GALNT3: variants seen among roughly 807,000 people sequenced by gnomAD.
GALNT3 encodes the protein GalNAc transferase 3.
A neutral mutation model predicts 69.8 loss-of-function variants in GALNT3; 51 were observed. The observed-to-expected ratio is 0.73, with a 90% CI of 0.58 to 0.92. The LOEUF is 0.92. GALNT3 is among the 40% of genes least tolerant of loss of function. The pLI is 0.00. For missense variants in GALNT3, 711 were observed against 760.0 expected, an observed-to-expected ratio of 0.94 and a Z score of 0.76; for synonymous variants, 265 against 248.5, an observed-to-expected ratio of 1.07 and a Z score of -0.63.
intron 1 of GALNT3, among the ~76,000 whole-genome samples, chr2:165,792,371 T>A (rs537299003): frequency 6.6e-6 from 1 of 152,312 alleles, no homozygotes; most frequent in Non-Finnish European, 1.5e-5. Context: ...TATTCAAAAT[T>A]CAGGGAACAA....
intron 1 of GALNT3, among the ~76,000 whole-genome samples, chr2:165,772,584 C>CAAAAAAAA: frequency 1.5e-5 from 1 of 66,956 alleles, no homozygotes; most frequent in Non-Finnish European, 2.6e-5. Context: ...GACTCTGTCT[C>CAAAAAAAA]AAAAAAAAAA....
At position 165,747,818 on chromosome 2, in the gene GALNT3, G is replaced by C. The variant is rs1254067901; in HGVS notation, c.*963C>G. 5.9e-6 allele frequency: 1 copy of C among 168,538 alleles called. No individual in the cohort carries two copies. Among genetic ancestry groups the C allele is most frequent in the African/African-American group, 2.4e-5 (1 of 41,942 alleles). The allele number at this position is 168,538 out of a possible 1,614,324, so 10.4% of individuals were successfully genotyped here. On this transcript the variant is annotated 3_prime_UTR_variant, in exon 11 of 11. Transcript: ENST00000392701. The stretch of plus-strand genomic sequence containing the variant: ...AACCAAATGATTACAATAGTGTTGA[G>C]GATTTTTTATTGTGTTTTCCACATA...
chr2:165,772,927 A>C (rs966869996), intron 1 of GALNT3, among the ~76,000 whole-genome samples: 1 of 152,174 alleles, frequency 6.6e-6, no homozygotes, highest in African/African-American at 2.4e-5. Context: ...AATGGAGAGG[A>C]CTGTTTTTAA....
chr2:165,778,459 T>C (rs991571802), intron 1 of GALNT3, among the ~76,000 whole-genome samples: 2 of 152,198 alleles, frequency 1.3e-5, no homozygotes, highest in African/African-American at 4.8e-5. Context: ...CAATCTGGTA[T>C]TAAAAGAGGA....
chr2:165,780,327 G>C (rs1309679802), intron 1 of GALNT3, among the ~76,000 whole-genome samples: 1 of 152,164 alleles, frequency 6.6e-6, no homozygotes, highest in African/African-American at 2.4e-5. Context: ...ATTTTGAAAG[G>C]TTCATTCACA....
In GALNT3 at chr2:165,748,699, AT is replaced by A; in HGVS notation, c.*81del. On this transcript the variant is annotated 3_prime_UTR_variant, in exon 11 of 11. Coordinates refer to ENST00000392701, the MANE Select transcript of GALNT3 (RefSeq NM_004482.4). Reference sequence around the variant, plus strand: ...AGTTACATTTAGCTGCTTTTGCATAATTTTCAAAAACTACAGTGTATGCCTA... The same window carrying A: ...AGTTACATTTAGCTGCTTTTGCATAATTTCAAAAACTACAGTGTATGCCTA... 6 of 1,339,438 alleles carry A rather than the reference AT, an allele frequency of 4.5e-6. No individual in the cohort carries two copies. Among genetic ancestry groups the A allele is most frequent in the Non-Finnish European group, 6.2e-6 (6 of 962,130 alleles). The allele number at this position is 1,339,438 out of a possible 1,614,324, so 83.0% of individuals were successfully genotyped here. A position where few individuals can be genotyped will look rare whatever the true frequency, so the allele number is the denominator to read the frequency against.
At chr2:165,754,824 T>TA in intron 8 of GALNT3, 96 bp from the exon 9 acceptor site, 1 of 1,400,630 alleles carries the variant, frequency 7.1e-7, no homozygotes, top group South Asian at 1.3e-5. Flanking sequence ...GATTATAATG[T>TA]AAAATCTCAA....
Position 165,764,844 on chromosome 2 carries a change from T to C in GALNT3, c.688+40A>G, listed in dbSNP as rs2113840. 1 allele frequency: 1,602,756 copies of C among 1,603,978 alleles called. 800,770 individuals are homozygous for C. The highest frequency in any genetic ancestry group is 1 in the South Asian group (90,883 of 90,886). ...CAAGTAGACTGTAGATACCACAATA[T>C]GGATTTGGGAAACAATCTAATTTGC... On this transcript the variant is annotated intron_variant, in intron 3 of 10. Coordinates refer to ENST00000392701, the MANE Select transcript of GALNT3 (RefSeq NM_004482.4).
intron 4 of GALNT3, 30 bp from the exon 5 acceptor site, chr2:165,759,600 A>G (rs1688508066): frequency 1.9e-6 from 3 of 1,539,392 alleles, no homozygotes; most frequent in Non-Finnish European, 2.7e-6. Flanking sequence ...AATTAATTCA[A>G]TAAAAACATT....
intron 1 of GALNT3, among the ~76,000 whole-genome samples, chr2:165,771,911 G>A (rs1033074384): frequency 4.6e-5 from 7 of 152,058 alleles, no homozygotes; most frequent in African/African-American, 1.7e-4. Flanking sequence ...AAACAAAATA[G>A]GCAGAACTTA....
intron 1 of GALNT3, among the ~76,000 whole-genome samples, chr2:165,777,720 A>G (rs1384304746): frequency 6.6e-6 from 1 of 152,214 alleles, no homozygotes; most frequent in Non-Finnish European, 1.5e-5. Flanking sequence ...ATGCAAAGCA[A>G]ACTGCATGAA....
intron 1 of GALNT3, among the ~76,000 whole-genome samples, chr2:165,781,537 C>CT (rs1328678432): frequency 6.6e-6 from 1 of 151,502 alleles, no homozygotes; most frequent in Non-Finnish European, 1.5e-5. Context: ...GCAGAGGTTG[C>CT]AGTGACCCCC....
intron 1 of GALNT3, among the ~76,000 whole-genome samples, chr2:165,776,019 G>A (rs1688840769): frequency 6.6e-6 from 1 of 152,122 alleles, no homozygotes; most frequent in African/African-American, 2.4e-5. Context: ...AGGGATTTAC[G>A]CTGATATAAA....
rs372619915 is a variant in GALNT3, at chr2:165,754,917, C to G, written c.1524+15G>C. 1.4e-5 allele frequency: 23 copies of G among 1,612,576 alleles called. No individual in the cohort carries two copies. The African/African-American group carries it at 2.4e-4, about 17-fold the overall frequency. The stretch of plus-strand genomic sequence containing the variant: ...AGGAGTATATTAATTAAAAAAGGAA[C>G]AGGAAAATACTCACGTATCCAGATA... On this transcript the variant is annotated intron_variant, in intron 8 of 10. Coordinates refer to ENST00000392701, the MANE Select transcript of GALNT3 (RefSeq NM_004482.4).
intron 6 of GALNT3, among the ~76,000 whole-genome samples, chr2:165,758,328 A>G (rs1384956231): frequency 6.6e-6 from 1 of 152,200 alleles, no homozygotes; most frequent in African/African-American, 2.4e-5. Flanking sequence ...ATATTAACTT[A>G]TAATATGTAT....
chr2:165,772,749 T>G (rs1026573078), intron 1 of GALNT3, among the ~76,000 whole-genome samples: 3 of 151,910 alleles, frequency 2.0e-5, no homozygotes, highest in African/African-American at 7.3e-5. Context: ...TGCAAAACCA[T>G]AAAAGCAAGA....
chr2:165,759,272 G>T, intron 5 of GALNT3, 64 bp downstream of exon 5: 1 of 1,267,578 alleles, frequency 7.9e-7, no homozygotes, highest in South Asian at 1.2e-5. Flanking sequence ...AAAGCAAACA[G>T]TGTGTACATA....
chr2:165,780,009 C>T (rs1204146689), intron 1 of GALNT3, among the ~76,000 whole-genome samples: 2 of 152,136 alleles, frequency 1.3e-5, no homozygotes, highest in Non-Finnish European at 2.9e-5. Context: ...GTATAATGAA[C>T]CTGCCACCCA....
chr2:165,769,460 C>A (rs961738141), intron 2 of GALNT3, among the ~76,000 whole-genome samples: 3 of 143,640 alleles, frequency 2.1e-5, no homozygotes, highest in Non-Finnish European at 4.6e-5. Context: ...AATAAATAAT[C>A]TGTTGAGGGT....
Sources: allele counts gnomAD v4.1 joint callset (sites outside exome capture counted in the v4.1 genomes callset), GRCh38; gene constraint gnomAD v4.1.1; transcripts MANE v1.5; gene names NCBI Gene and HGNC (gene_info 2026-07-23, HGNC 2026-07-21).